Variants in ART3 observed in about 807,000 individuals in gnomAD.
The protein encoded by ART3 is ecto-ADP-ribosyltransferase 3.
In ART3, 49 loss-of-function variants were observed where a neutral mutation model predicts 48.5. That is an observed-to-expected ratio of 1.01 (90% CI 0.80 to 1.28). The LOEUF is 1.28. Ranked by LOEUF, ART3 falls within the 50% of genes most tolerant of loss-of-function variation. The pLI is 0.00. For missense variants in ART3, 438 were observed against 454.3 expected (o/e 0.96, Z 0.33); for synonymous variants, 145 against 157.2 (o/e 0.92, Z 0.58).
intron 1 of ART3, among the ~76,000 whole-genome samples, chr4:76,052,313 G>A (rs1334302589): frequency 6.6e-6 from 1 of 152,134 alleles, no homozygotes; most frequent in Non-Finnish European, 1.5e-5. Context: ...TTATAAGGAT[G>A]ACTTCATCCT....
At chr4:76,108,974 G>A (rs1728980433) in intron 11 of ART3, among the ~76,000 whole-genome samples, 1 of 152,130 alleles carries the variant, frequency 6.6e-6, no homozygotes, top group South Asian at 2.1e-4. Flanking sequence ...CCCAGAAGTT[G>A]CTCTGGGTGG....
At chr4:76,050,997 T>G (rs1245850297) in intron 1 of ART3, among the ~76,000 whole-genome samples, 4 of 151,574 alleles carry the variant, frequency 2.6e-5, no homozygotes, top group African/African-American at 9.7e-5. Flanking sequence ...CCAGCTGGCC[T>G]GCAAGCCCAC....
At chr4:76,020,130 T>C (rs899761475) in intron 1 of ART3, among the ~76,000 whole-genome samples, 4 of 151,104 alleles carry the variant, frequency 2.6e-5, no homozygotes, top group African/African-American at 4.9e-5. Context: ...TTTTTTCTTC[T>C]TTTTTTTTCT....
chr4:76,049,723 C>G (rs78523177), intron 1 of ART3, among the ~76,000 whole-genome samples: 1 of 151,798 alleles, frequency 6.6e-6, no homozygotes. Flanking sequence ...GCGATTGTCT[C>G]ACCGCTCGGC....
chr4:76,081,129 T>G (rs61293119), intron 2 of ART3, among the ~76,000 whole-genome samples: 16,879 of 152,248 alleles, frequency 0.11, 1,272 homozygotes, highest in East Asian at 0.35. Flanking sequence ...TGTTTTCGGG[T>G]CCTCATCTCT....
chr4:76,094,376 T>C (rs527556135), intron 3 of ART3, among the ~76,000 whole-genome samples: 2 of 152,358 alleles, frequency 1.3e-5, no homozygotes, highest in African/African-American at 2.4e-5. Context: ...TCTCTTGTCA[T>C]GATGAATTGT....
At chr4:76,068,445 C>T (rs1395449772) in intron 1 of ART3, among the ~76,000 whole-genome samples, 1 of 152,000 alleles carries the variant, frequency 6.6e-6, no homozygotes, top group East Asian at 1.9e-4. Context: ...ACTATGCAGC[C>T]ATAAAAAAGA....
At chr4:76,064,404 A>C (rs371268173) in intron 1 of ART3, among the ~76,000 whole-genome samples, 3 of 152,342 alleles carry the variant, frequency 2.0e-5, no homozygotes, top group South Asian at 4.1e-4. Context: ...TATTCATTTG[A>C]TCTTGACATA....
At chr4:76,105,039 G>C (rs1329034182) in intron 10 of ART3, among the ~76,000 whole-genome samples, 1 of 152,176 alleles carries the variant, frequency 6.6e-6, no homozygotes, top group Non-Finnish European at 1.5e-5. Flanking sequence ...TTAAATAAAG[G>C]CTCAGAGAAC....
chr4:76,022,378 A>G (rs1414591271), intron 1 of ART3: 2 of 1,613,540 alleles, frequency 1.2e-6, no homozygotes, highest in Non-Finnish European at 1.7e-6. Context: ...TTCCTTGCTA[A>G]CTGCTTTCAG....
rs1437760376 is a variant in ART3 at position 76,060,120 on chromosome 4, T to C, written c.-9-15761T>C. On this transcript the variant is annotated intron_variant, in intron 1 of 9. Coordinates refer to the ART3 transcript ENST00000341029. ...GTCTTAAAAAACTCATTTCCGTAGTTCCTGGTTTATAAAGTCTAATTAACA... is the reference window on the plus strand; with the variant it reads ...GTCTTAAAAAACTCATTTCCGTAGTCCCTGGTTTATAAAGTCTAATTAACA... 1.4e-4 allele frequency among the ~76,000 whole-genome samples: 22 copies of C among 152,188 alleles called. 1 individual carries two copies. The highest frequency in any genetic ancestry group is 1.4e-3 in the Admixed American group (22 of 15,284).
Position 76,081,912 on chromosome 4 carries a change from C to G in ART3, c.158C>G (p.Pro53Arg). The change falls in exon 3 of 12, where the codon CCC becomes CGC. Residue 53 changes from proline (P) to arginine (R), a missense_variant. By Grantham distance (103) the Pro-to-Arg change is moderately radical. This residue lies in a region of ART3 where 206 missense variants were observed against 205.3 expected (regional missense o/e 1.00). Transcript: ENST00000355810. Reference sequence around the variant, plus strand: ...GACAGGATGGAAATTAAATACGTTCCCCAACTGCTAAAGGAGGAAAAAGCA... The same window carrying G: ...GACAGGATGGAAATTAAATACGTTCGCCAACTGCTAAAGGAGGAAAAAGCA... The part of the protein sequence containing the change: ...CTDRMEIKYV[P>R]QLLKEEKASH... The G allele has an allele frequency of 6.2e-7, 1 of 1,614,068 alleles. No individual in the cohort carries two copies. The highest frequency in any genetic ancestry group is 8.5e-7 in the Non-Finnish European group (1 of 1,180,010).
intron 1 of ART3, chr4:76,034,552 G>A (rs1349644931): frequency 5.8e-6 from 3 of 520,102 alleles, no homozygotes; most frequent in Non-Finnish European, 1.0e-5. Flanking sequence ...CCATTTAATT[G>A]TTGGACTCCT....
At chr4:76,024,167 GTCT>G (rs771753730) in intron 1 of ART3, among the ~76,000 whole-genome samples, 43 of 152,168 alleles carry the variant, frequency 2.8e-4, no homozygotes, top group Non-Finnish European at 5.7e-4. Context: ...CAAGTTTCAC[GTCT>G]TATAGCAGTC....
intron 1 of ART3, among the ~76,000 whole-genome samples, chr4:76,067,695 T>G (rs1355575170): frequency 6.6e-6 from 1 of 152,236 alleles, no homozygotes; most frequent in Non-Finnish European, 1.5e-5. Context: ...CAGTTAAAAT[T>G]TGGTAACAGT....
intron 3 of ART3, among the ~76,000 whole-genome samples, chr4:76,090,516 G>C (rs1724638326): frequency 6.6e-6 from 1 of 152,214 alleles, no homozygotes; most frequent in Non-Finnish European, 1.5e-5. Flanking sequence ...GGATCTGAAA[G>C]AGATAGGGAA....
At chr4:76,059,545 T>TA (rs1046839733) in intron 1 of ART3, among the ~76,000 whole-genome samples, 15 of 151,898 alleles carry the variant, frequency 9.9e-5, no homozygotes, top group East Asian at 9.6e-4. Flanking sequence ...CTTCTTTAAC[T>TA]AAAAAAAACT....
At chr4:76,049,046 G>A (rs1735781615) in intron 1 of ART3, among the ~76,000 whole-genome samples, 1 of 151,924 alleles carries the variant, frequency 6.6e-6, no homozygotes, top group Admixed American at 6.6e-5. Context: ...CTAGCTTCAG[G>A]AATAGCTTTT....
intron 1 of ART3, among the ~76,000 whole-genome samples, chr4:76,051,422 G>C (rs527592729): frequency 1.3e-5 from 2 of 152,278 alleles, no homozygotes; most frequent in East Asian, 3.9e-4. Flanking sequence ...TAGGCACTGG[G>C]TAAGGCTCTA....
Sources: allele counts gnomAD v4.1 joint callset (sites outside exome capture counted in the v4.1 genomes callset), GRCh38; gene constraint gnomAD v4.1.1; regional missense constraint gnomAD v4.1.1; transcripts MANE v1.5; gene names NCBI Gene and HGNC (gene_info 2026-07-23, HGNC 2026-07-21).